SOX6: variants seen among roughly 807,000 people sequenced by gnomAD.
The protein encoded by SOX6 is SRY-box transcription factor 6.
In SOX6, 11 loss-of-function variants were observed where a neutral mutation model predicts 97.8. The ratio of observed to expected loss-of-function variants is 0.11; its 90% CI spans 0.07 to 0.19. The LOEUF (loss-of-function observed/expected upper bound fraction) is 0.19, where lower values mean the gene tolerates loss of function less well. Among genes scored for constraint, SOX6 ranks in the 10% least tolerant of loss-of-function variants. SOX6 has a pLI of 1.00. For synonymous variants in SOX6, 360 were observed against 371.4 expected, an observed-to-expected ratio of 0.97 and a Z score of 0.35; for missense variants, 810 against 1,039.5, an observed-to-expected ratio of 0.78 and a Z score of 3.04.
intron 4 of SOX6, among the ~76,000 whole-genome samples, chr11:16,530,323 A>G (rs925624353): frequency 6.6e-6 from 1 of 152,118 alleles, no homozygotes; most frequent in Non-Finnish European, 1.5e-5. Flanking sequence ...AGTAGAGGAT[A>G]TAAACATTTT....
intron 4 of SOX6, among the ~76,000 whole-genome samples, chr11:16,529,450 A>C (rs961340986): frequency 1.3e-5 from 2 of 152,084 alleles, no homozygotes; most frequent in Non-Finnish European, 1.5e-5. Flanking sequence ...CAATGGAGAG[A>C]AAAAGAAAAA....
chr11:16,379,296 A>G lies in SOX6; in HGVS notation c.-4-38044T>C, dbSNP rs1351903899. 2.6e-5 allele frequency among the ~76,000 whole-genome samples: 4 copies of G among 151,992 alleles called. No individual in the cohort carries two copies. The East Asian group carries it at 7.8e-4, about 30-fold the overall frequency. On this transcript the variant is annotated intron_variant, in intron 1 of 15. Transcript: ENST00000396356. Reference sequence around the variant, plus strand: ...AGCCTGACCAACATGGAGAAACCCCATCTCTACTAAAAAGACAAAATCCAC... The same window carrying G: ...AGCCTGACCAACATGGAGAAACCCCGTCTCTACTAAAAAGACAAAATCCAC...
At chr11:16,151,769 A>C (rs1355272893) in intron 6 of SOX6, among the ~76,000 whole-genome samples, 2 of 152,194 alleles carry the variant, frequency 1.3e-5, no homozygotes, top group African/African-American at 4.8e-5. Flanking sequence ...AATTAGGCCC[A>C]GTGGCAGTTA....
chr11:16,217,634 T>C (rs1216139038), intron 4 of SOX6, among the ~76,000 whole-genome samples: 1 of 152,128 alleles, frequency 6.6e-6, no homozygotes, highest in African/African-American at 2.4e-5. Context: ...AATCAGACTG[T>C]TTCCAATAGA....
chr11:16,208,381 C>T (rs1852128673), intron 4 of SOX6, among the ~76,000 whole-genome samples: 2 of 152,160 alleles, frequency 1.3e-5, no homozygotes, highest in African/African-American at 4.8e-5. Flanking sequence ...CTGTCTTTTT[C>T]ACTGTATTGG....
chr11:16,078,145 G>A (rs1848398974), intron 9 of SOX6, among the ~76,000 whole-genome samples: 1 of 152,220 alleles, frequency 6.6e-6, no homozygotes, highest in Admixed American at 6.5e-5. Flanking sequence ...TCAGCATTAT[G>A]GGGATAGATG....
intron 3 of SOX6, among the ~76,000 whole-genome samples, chr11:16,629,664 A>G (rs1354793817): frequency 6.6e-6 from 1 of 152,076 alleles, no homozygotes; most frequent in Non-Finnish European, 1.5e-5. Context: ...GTTTTAGTAG[A>G]ATTGATACCA....
intron 1 of SOX6, among the ~76,000 whole-genome samples, chr11:16,372,315 T>C (rs930656933): frequency 1.3e-5 from 2 of 152,086 alleles, no homozygotes; most frequent in South Asian, 2.1e-4. Flanking sequence ...TACTAAAGTA[T>C]ACCAAATACT....
At chr11:16,485,530 G>C (rs1164369362) in intron 4 of SOX6, among the ~76,000 whole-genome samples, 4 of 152,008 alleles carry the variant, frequency 2.6e-5, no homozygotes, top group Non-Finnish European at 5.9e-5. Context: ...AGGAGTTTGA[G>C]ACCAGCCTGG....
chr11:16,128,005 T>C (rs1849648508), intron 6 of SOX6, among the ~76,000 whole-genome samples: 2 of 152,196 alleles, frequency 1.3e-5, no homozygotes, highest in African/African-American at 4.8e-5. Flanking sequence ...ACTCAAATCA[T>C]GTATTATGTC....
At chr11:16,619,250 A>G (rs1490058878) in intron 3 of SOX6, among the ~76,000 whole-genome samples, 3 of 151,572 alleles carry the variant, frequency 2.0e-5, no homozygotes, top group African/African-American at 7.3e-5. Context: ...AAAAAAAAAA[A>G]GAAAAGAAAC....
chr11:16,307,077 T>A (rs549264421), intron 3 of SOX6, among the ~76,000 whole-genome samples: 1 of 152,298 alleles, frequency 6.6e-6, no homozygotes, highest in East Asian at 1.9e-4. Context: ...AAGACATGTT[T>A]AAGGAGGAGG....
chr11:16,087,306 T>G (rs567308024), intron 9 of SOX6, among the ~76,000 whole-genome samples: 2 of 152,280 alleles, frequency 1.3e-5, no homozygotes, highest in Non-Finnish European at 2.9e-5. Context: ...AAATTTTGTT[T>G]TAGAAAGAAA....
At chr11:16,348,507 T>C (rs1222293787) in intron 1 of SOX6, among the ~76,000 whole-genome samples, 1 of 152,158 alleles carries the variant, frequency 6.6e-6, no homozygotes, top group Non-Finnish European at 1.5e-5. Context: ...GCAATCTTCA[T>C]GTTATTTAAT....
chr11:16,502,022 T>C (rs987352530), intron 4 of SOX6, among the ~76,000 whole-genome samples: 1 of 152,208 alleles, frequency 6.6e-6, no homozygotes, highest in Non-Finnish European at 1.5e-5. Context: ...CGTATGTTTA[T>C]TGCGGCACTA....
At chr11:16,483,189 C>T (rs1860373108) in intron 4 of SOX6, among the ~76,000 whole-genome samples, 1 of 152,098 alleles carries the variant, frequency 6.6e-6, no homozygotes, top group Non-Finnish European at 1.5e-5. Flanking sequence ...TTAGTTTTTT[C>T]AAGCATACAA....
chr11:16,257,196 A>G (rs551795221), intron 3 of SOX6, among the ~76,000 whole-genome samples: 1 of 152,024 alleles, frequency 6.6e-6, no homozygotes, highest in Non-Finnish European at 1.5e-5. Flanking sequence ...TTTTGAGGAT[A>G]TCAACAAACT....
At chr11:16,105,506 C>T (rs1205888275) in intron 7 of SOX6, among the ~76,000 whole-genome samples, 1 of 151,928 alleles carries the variant, frequency 6.6e-6, no homozygotes, top group Non-Finnish European at 1.5e-5. Flanking sequence ...AGTTCAAGGC[C>T]ACAGTGAACT....
chr11:16,139,567 G>C (rs1486210369), intron 6 of SOX6, among the ~76,000 whole-genome samples: 1 of 151,976 alleles, frequency 6.6e-6, no homozygotes, highest in Non-Finnish European at 1.5e-5. Context: ...TTATCCTTTT[G>C]TTATGCTCTT....
Sources: allele counts gnomAD v4.1 joint callset (sites outside exome capture counted in the v4.1 genomes callset), GRCh38; gene constraint gnomAD v4.1.1; transcripts MANE v1.5; gene names NCBI Gene and HGNC (gene_info 2026-07-23, HGNC 2026-07-21).